Variants in ADARB2 observed in about 807,000 individuals in gnomAD.
The protein encoded by ADARB2 is adenosine deaminase RNA specific B2 (inactive).
ADARB2 carries 25 observed loss-of-function variants against 62.2 expected under a neutral mutation model. The observed-to-expected ratio is 0.40, with a 90% CI of 0.29 to 0.56. The LOEUF is 0.56. ADARB2 is among the 20% of genes least tolerant of loss of function. The pLI is 0.43. For synonymous variants in ADARB2, 572 were observed against 500.8 expected (o/e 1.14, Z -1.90); for missense variants, 1,071 against 1,077.4 (o/e 0.99, Z 0.08).
At chr10:1,395,804 T>C (rs1156703324) in intron 1 of ADARB2, among the ~76,000 whole-genome samples, 2 of 152,246 alleles carry the variant, frequency 1.3e-5, no homozygotes, top group East Asian at 3.8e-4. Flanking sequence ...CTCGGCTCAC[T>C]GTGTCTCATA....
intron 1 of ADARB2, among the ~76,000 whole-genome samples, chr10:1,407,030 G>A (rs965990555): frequency 2.6e-5 from 4 of 152,202 alleles, no homozygotes; most frequent in Non-Finnish European, 5.9e-5. Context: ...TTGGCTGTGC[G>A]GCTGCATAAA....
intron 1 of ADARB2, among the ~76,000 whole-genome samples, chr10:1,487,044 C>T (rs1831552283): frequency 1.3e-5 from 2 of 152,242 alleles, no homozygotes; most frequent in Admixed American, 6.5e-5. Flanking sequence ...TCTAGAAAGT[C>T]GTGGAGCCCT....
At chr10:1,609,138 C>A (rs1027945186) in intron 1 of ADARB2, among the ~76,000 whole-genome samples, 2 of 152,188 alleles carry the variant, frequency 1.3e-5, no homozygotes, top group African/African-American at 4.8e-5. Context: ...GGAGCCTGAC[C>A]CTGCTCCCAG....
intron 1 of ADARB2, among the ~76,000 whole-genome samples, chr10:1,506,828 G>A (rs1224983567): frequency 2.0e-5 from 3 of 152,272 alleles, no homozygotes; most frequent in East Asian, 1.9e-4. Flanking sequence ...GGGTCATGGG[G>A]GTGGGGCCCG....
At chr10:1,418,395 C>T (rs186608074) in intron 1 of ADARB2, among the ~76,000 whole-genome samples, 1 of 152,310 alleles carries the variant, frequency 6.6e-6, no homozygotes, top group East Asian at 1.9e-4. Flanking sequence ...CAGGGCTGCT[C>T]TGGCAGATCC....
Position 1,609,447 on chromosome 10 carries a change from T to C in ADARB2, c.100+127604A>G, listed in dbSNP as rs182497077. On this transcript the variant is annotated intron_variant, in intron 1 of 9. Coordinates refer to ENST00000381312, the MANE Select transcript of ADARB2 (RefSeq NM_018702.4). ...CCCTGTCTGCCCCTGTCTCCTGCTT[T>C]CAGGTTCTCAGGGCCAAGAAGCCTC... is the stretch of plus-strand genomic sequence containing the variant. 4.3e-3 allele frequency among the ~76,000 whole-genome samples: 652 copies of C among 152,316 alleles called. 7 individuals carry two copies. Among genetic ancestry groups the C allele is most frequent in the African/African-American group, 0.015 (627 of 41,572 alleles).
chr10:1,598,923 A>G (rs2132013074), intron 1 of ADARB2, among the ~76,000 whole-genome samples: 1 of 152,340 alleles, frequency 6.6e-6, no homozygotes, highest in East Asian at 1.9e-4. Flanking sequence ...TCCCAACCGG[A>G]AGCCCAGGGC....
intron 1 of ADARB2, among the ~76,000 whole-genome samples, chr10:1,633,614 C>T (rs566147015): frequency 1.5e-5 from 1 of 67,322 alleles, no homozygotes; most frequent in East Asian, 4.8e-4. Context: ...CTATCTATCC[C>T]TCTATGTAAT....
At chr10:1,657,271 C>G (rs564321977) in intron 1 of ADARB2, among the ~76,000 whole-genome samples, 2 of 152,130 alleles carry the variant, frequency 1.3e-5, no homozygotes, top group Non-Finnish European at 2.9e-5. Context: ...AACTTCAGTA[C>G]GTTGCTTCTT....
At chr10:1,387,577 G>A (rs1360051771) in intron 1 of ADARB2, among the ~76,000 whole-genome samples, 2 of 151,988 alleles carry the variant, frequency 1.3e-5, no homozygotes, top group Non-Finnish European at 2.9e-5. Flanking sequence ...AACCAGAAGA[G>A]TGCAATATAT....
At chr10:1,537,193 C>T (rs1832344150) in intron 1 of ADARB2, among the ~76,000 whole-genome samples, 1 of 152,134 alleles carries the variant, frequency 6.6e-6, no homozygotes, top group Non-Finnish European at 1.5e-5. Flanking sequence ...ATTTATGAGG[C>T]CAACAAACAT....
intron 1 of ADARB2, among the ~76,000 whole-genome samples, chr10:1,708,964 G>A (rs1834921966): frequency 6.6e-6 from 1 of 152,178 alleles, no homozygotes; most frequent in Admixed American, 6.5e-5. Flanking sequence ...ACACACCTGA[G>A]GTAAGGAAAG....
chr10:1,463,665 C>A, intron 1 of ADARB2, among the ~76,000 whole-genome samples: 1 of 152,172 alleles, frequency 6.6e-6, no homozygotes, highest in Non-Finnish European at 1.5e-5. Context: ...CTGGCACAAG[C>A]GTAGCTTAAG....
At chr10:1,310,112 C>T (rs1004706396) in intron 3 of ADARB2, among the ~76,000 whole-genome samples, 1 of 152,208 alleles carries the variant, frequency 6.6e-6, no homozygotes, top group Non-Finnish European at 1.5e-5. Context: ...TTTCCTGCTG[C>T]TTTGTTTATT....
At chr10:1,210,763 A>AGAAGCCTGGCAG (rs904445701) in intron 7 of ADARB2, among the ~76,000 whole-genome samples, 1 of 152,206 alleles carries the variant, frequency 6.6e-6, no homozygotes, top group African/African-American at 2.4e-5. Context: ...GGGGGTGTAA[A>AGAAGCCTGGCAG]GAAGCCTGGC....
chr10:1,664,750 T>C (rs1476543364), intron 1 of ADARB2, among the ~76,000 whole-genome samples: 1 of 152,124 alleles, frequency 6.6e-6, no homozygotes, highest in Non-Finnish European at 1.5e-5. Context: ...AAGGGGAACG[T>C]GGGACTCCCA....
chr10:1,572,891 T>G (rs930716597), intron 1 of ADARB2, among the ~76,000 whole-genome samples: 4 of 152,198 alleles, frequency 2.6e-5, no homozygotes, highest in African/African-American at 9.7e-5. Flanking sequence ...AGCGTTTCCC[T>G]GCTTGGCTCA....
intron 3 of ADARB2, among the ~76,000 whole-genome samples, chr10:1,344,068 T>C (rs753342932): frequency 6.6e-5 from 10 of 152,176 alleles, no homozygotes; most frequent in Non-Finnish European, 1.0e-4. Context: ...ATCTGTGTGA[T>C]TGAGCAGGGC....
chr10:1,348,784 C>T (rs974426858), intron 3 of ADARB2, among the ~76,000 whole-genome samples: 2 of 152,214 alleles, frequency 1.3e-5, no homozygotes, highest in African/African-American at 4.8e-5. Flanking sequence ...CTGAGGCCAA[C>T]GCTGGGAGCT....
Sources: gnomAD v4.1 joint callset for allele counts (sites outside exome capture counted in the v4.1 genomes callset) on GRCh38, gnomAD v4.1.1 for gene constraint, MANE v1.5 for transcripts, NCBI Gene and HGNC (gene_info 2026-07-23, HGNC 2026-07-21) for gene names.